LNX1: variants seen among roughly 807,000 people sequenced by gnomAD.
The protein encoded by LNX1 is ligand of numb-protein X 1.
A neutral mutation model predicts 68.4 loss-of-function variants in LNX1; 54 were observed. The observed-to-expected ratio is 0.79, with a 90% confidence interval of 0.63 to 0.99. The LOEUF (loss-of-function observed/expected upper bound fraction) is 0.99, where lower values mean the gene tolerates loss of function less well. Among genes scored for constraint, LNX1 ranks in the 50% least tolerant of loss-of-function variants. The probability of loss-of-function intolerance (pLI) is 0.00; values close to 1 mark genes in which losing one functional copy is unlikely to be tolerated. For missense variants in LNX1, 906 were observed against 926.4 expected (o/e 0.98, Z 0.29); for synonymous variants, 336 against 350.0 (o/e 0.96, Z 0.45).
chr4:53,477,244 G>A (rs1180672987), intron 8 of LNX1, among the ~76,000 whole-genome samples: 1 of 152,132 alleles, frequency 6.6e-6, no homozygotes, highest in Non-Finnish European at 1.5e-5. Flanking sequence ...AAGGAAGGAA[G>A]GGAGTGAGAG....
upstream of LNX1, among the ~76,000 whole-genome samples, chr4:53,596,357 G>A (rs1209410676): frequency 1.3e-5 from 2 of 152,170 alleles, no homozygotes; most frequent in African/African-American, 4.8e-5. Flanking sequence ...GAGAGAGAGA[G>A]TATCTCAGGG....
At chr4:53,626,731 C>G (rs1734089157) in intron 1 of LNX1, among the ~76,000 whole-genome samples, 1 of 152,212 alleles carries the variant, frequency 6.6e-6, no homozygotes, top group Non-Finnish European at 1.5e-5. Context: ...GAAATGAGCT[C>G]TTCTTCAGCT....
intron 2 of LNX1, among the ~76,000 whole-genome samples, chr4:53,521,178 T>A (rs1335409317): frequency 6.6e-6 from 1 of 152,172 alleles, no homozygotes; most frequent in African/African-American, 2.4e-5. Context: ...TGAGGTTTTC[T>A]GATCAGTTTT....
chr4:53,495,294 A>G (rs1724969355), intron 6 of LNX1, among the ~76,000 whole-genome samples: 1 of 152,202 alleles, frequency 6.6e-6, no homozygotes, highest in South Asian at 2.1e-4. Context: ...AAAAATTTCA[A>G]CAGTGACCCT....
intron 2 of LNX1, among the ~76,000 whole-genome samples, chr4:53,526,061 T>A (rs577327443): frequency 1.3e-5 from 2 of 152,086 alleles, no homozygotes; most frequent in Non-Finnish European, 2.9e-5. Context: ...TGAAAGACTT[T>A]GCTTAAAGGA....
chr4:53,563,937 T>G (rs1730457540), intron 2 of LNX1, among the ~76,000 whole-genome samples: 1 of 152,206 alleles, frequency 6.6e-6, no homozygotes. Flanking sequence ...AACATATTTG[T>G]GGAAATGTTG....
At chr4:53,507,954 C>G (rs1168467693) in intron 3 of LNX1, 32 bp downstream of exon 3, 2 of 1,599,852 alleles carry the variant, frequency 1.3e-6, no homozygotes, top group Non-Finnish European at 8.6e-7. Flanking sequence ...AGCCAAGGAG[C>G]CCATTCCCGG....
chr4:53,549,987 G>A (rs1729390808), intron 2 of LNX1, among the ~76,000 whole-genome samples: 1 of 152,190 alleles, frequency 6.6e-6, no homozygotes, highest in Admixed American at 6.5e-5. Flanking sequence ...TCCCTAGGAG[G>A]AGAACACTTT....
intron 2 of LNX1, among the ~76,000 whole-genome samples, chr4:53,510,815 T>C (rs1461844712): frequency 6.6e-6 from 1 of 152,178 alleles, no homozygotes; most frequent in Non-Finnish European, 1.5e-5. Flanking sequence ...GTAACGTTAT[T>C]TTCCAGCTGG....
rs192215690 is a variant in LNX1 at position 53,623,689 on chromosome 4, T to A, written c.-215+28479A>T. 9.4e-4 allele frequency among the ~76,000 whole-genome samples: 143 copies of A among 151,324 alleles called. 1 individual carries two copies. Among genetic ancestry groups the A allele is most frequent in the Non-Finnish European group, 1.5e-3 (99 of 67,796 alleles). On this transcript the variant is annotated intron_variant, in intron 1 of 2. Coordinates refer to the LNX1 transcript ENST00000507168. ...TTATATGGCTATGTTTTATTTTTGT[T>A]AAAACCACCGAGAATTTATAACTAT... is the stretch of plus-strand genomic sequence containing the variant.
At chr4:53,638,200 A>G (rs1734552517) in intron 1 of LNX1, among the ~76,000 whole-genome samples, 1 of 152,182 alleles carries the variant, frequency 6.6e-6, no homozygotes, top group South Asian at 2.1e-4. Flanking sequence ...TATTTCTCTG[A>G]CTTGGCTTCT....
rs147992678 is a variant in LNX1 at position 53,507,412 on chromosome 4, G to A, written c.680C>T (p.Ala227Val). 4,585 of 1,614,104 alleles carry A rather than the reference G, an allele frequency of 2.8e-3. 24 individuals carry two copies. The highest frequency in any genetic ancestry group is 3.0e-3 in the Non-Finnish European group (3,535 of 1,179,988). The part of the protein sequence containing the change: ...RSRSFKKINR[A>V]LSVLRRTKSG... ...CTTTGTCCTTCGAAGAACACTCAAA[G>A]CTCGATTTATTTTTTTAAATGATCT... Residue 227 changes from alanine (A) to valine (V), a missense_variant, in exon 4 of 11, where the codon GCT (alanine) becomes GTT (valine). Coordinates refer to ENST00000263925, the MANE Select transcript of LNX1 (RefSeq NM_001126328.3).
At chr4:53,494,458 T>C (rs1222295271) in intron 6 of LNX1, among the ~76,000 whole-genome samples, 1 of 152,216 alleles carries the variant, frequency 6.6e-6, no homozygotes, top group Non-Finnish European at 1.5e-5. Context: ...CTCCTTAGGA[T>C]GACCCTTGCT....
chr4:53,467,554 G>C (rs529125875), intron 9 of LNX1, among the ~76,000 whole-genome samples: 1 of 152,138 alleles, frequency 6.6e-6, no homozygotes, highest in African/African-American at 2.4e-5. Flanking sequence ...AGCTAAAGGA[G>C]GAAGTTTGAA....
chr4:53,515,671 A>ATGGTTATAAGGTTATGAAAATAACCT (rs939340009), intron 2 of LNX1, among the ~76,000 whole-genome samples: 1 of 152,120 alleles, frequency 6.6e-6, no homozygotes, highest in Non-Finnish European at 1.5e-5. Context: ...CCTTTCTTTG[A>ATGGTTATAAGGTTATGAAAATAACCT]TGGGTTATGC....
At chr4:53,472,175 A>C (rs970066951) in intron 9 of LNX1, among the ~76,000 whole-genome samples, 4 of 152,190 alleles carry the variant, frequency 2.6e-5, no homozygotes, top group African/African-American at 7.2e-5. Flanking sequence ...GGATGAGTTC[A>C]TGTCCTTTGT....
chr4:53,541,011 C>T (rs1211336975), intron 2 of LNX1, among the ~76,000 whole-genome samples: 1 of 151,852 alleles, frequency 6.6e-6, no homozygotes, highest in Non-Finnish European at 1.5e-5. Context: ...TTGGTGCTTG[C>T]CTGTAATCCC....
At chr4:53,577,312 A>AC (rs1227550045) in intron 1 of LNX1, among the ~76,000 whole-genome samples, 2 of 152,252 alleles carry the variant, frequency 1.3e-5, no homozygotes, top group Non-Finnish European at 2.9e-5. Flanking sequence ...GTGTTCTGCC[A>AC]TATAGTCCCA....
rs186203297 is a variant in LNX1, at chr4:53,555,054, G to A, written c.380+18569C>T. 2.8e-3 allele frequency among the ~76,000 whole-genome samples: 419 copies of A among 152,142 alleles called. 2 individuals carry two copies. The highest frequency in any genetic ancestry group is 4.7e-3 in the Non-Finnish European group (317 of 67,996). ...GCATCTGGAAAAACAAGGAATACAGGGCAAGCTTCCCCCAGTGTCAGGAAT... is the reference window on the plus strand; with the variant it reads ...GCATCTGGAAAAACAAGGAATACAGAGCAAGCTTCCCCCAGTGTCAGGAAT... On this transcript the variant is annotated intron_variant, in intron 2 of 10. Coordinates refer to ENST00000263925, the MANE Select transcript of LNX1 (RefSeq NM_001126328.3).
Sources: allele counts gnomAD v4.1 joint callset (sites outside exome capture counted in the v4.1 genomes callset), GRCh38; gene constraint gnomAD v4.1.1; transcripts MANE v1.5; gene names NCBI Gene and HGNC (gene_info 2026-07-23, HGNC 2026-07-21).